KLHDC10: variants seen among roughly 807,000 people sequenced by gnomAD.
KLHDC10 encodes the protein kelch domain containing 10.
A neutral mutation model predicts 56.1 loss-of-function variants in KLHDC10; 24 were observed. That is an observed-to-expected ratio of 0.43 (90% CI 0.31 to 0.60). The LOEUF is 0.60. Among genes scored for constraint, KLHDC10 ranks in the 20% least tolerant of loss-of-function variants. KLHDC10 has a pLI of 0.11. For missense variants in KLHDC10, 349 were observed against 567.0 expected (o/e 0.62, Z 3.91); for synonymous variants, 188 against 207.1 (o/e 0.91, Z 0.79).
intron 1 of KLHDC10, among the ~76,000 whole-genome samples, chr7:130,079,347 C>T (rs1378206930): frequency 6.6e-6 from 1 of 152,064 alleles, no homozygotes; most frequent in Admixed American, 6.6e-5. Flanking sequence ...TATGAGTCAC[C>T]ATGCCAGGCC....
At chr7:130,126,827 TAAAG>T (rs1318499260) in intron 7 of KLHDC10, among the ~76,000 whole-genome samples, 2 of 151,328 alleles carry the variant, frequency 1.3e-5, no homozygotes, top group Non-Finnish European at 3.0e-5. Context: ...GGAGCCTAAA[TAAAG>T]ATCTACCGGC....
intron 1 of KLHDC10, among the ~76,000 whole-genome samples, chr7:130,077,779 T>C (rs895103979): frequency 6.6e-6 from 1 of 151,764 alleles, no homozygotes; most frequent in Admixed American, 6.6e-5. Context: ...ATGGTCTCGA[T>C]CTCCTGACCT....
intron 8 of KLHDC10, among the ~76,000 whole-genome samples, chr7:130,129,048 C>G (rs1796360372): frequency 6.6e-6 from 1 of 151,660 alleles, no homozygotes; most frequent in Non-Finnish European, 1.5e-5. Flanking sequence ...GACCGAACAG[C>G]TGGGGCTGCA....
Position 130,133,126 on chromosome 7 carries a change from A to C in KLHDC10, c.*2380A>C, listed in dbSNP as rs920971458. ...TTAATATAACACTAGTAAAAATGAC[A>C]TGGTATGACCAGCACTGAGTGCTAT... On this transcript the variant is annotated 3_prime_UTR_variant, in exon 10 of 10. Coordinates refer to ENST00000335420, the MANE Select transcript of KLHDC10 (RefSeq NM_014997.4). 6.6e-6 allele frequency: 1 copy of C among 152,266 alleles called. No homozygotes were observed. Among genetic ancestry groups the C allele is most frequent in the African/African-American group, 2.4e-5 (1 of 41,474 alleles). 9.4% of individuals were successfully genotyped at this position (152,266 alleles called of 1,614,324 possible). A position where few individuals can be genotyped will look rare whatever the true frequency, so the allele number is the denominator to read the frequency against.
intron 1 of KLHDC10, among the ~76,000 whole-genome samples, chr7:130,072,717 C>T (rs1297775267): frequency 1.3e-5 from 2 of 151,846 alleles, no homozygotes; most frequent in African/African-American, 2.4e-5. Flanking sequence ...GCTTGGTTGA[C>T]GGGCCTTGGA....
chr7:130,091,063 A>G (rs1439452565), intron 1 of KLHDC10, among the ~76,000 whole-genome samples: 3 of 152,022 alleles, frequency 2.0e-5, no homozygotes, highest in Non-Finnish European at 4.4e-5. Context: ...TGGTTTTACC[A>G]CAGGTTTAAC....
At chr7:130,092,878 G>T (rs986505895) in intron 1 of KLHDC10, among the ~76,000 whole-genome samples, 21 of 151,980 alleles carry the variant, frequency 1.4e-4, no homozygotes, top group African/African-American at 4.8e-4. Context: ...CACTTGCCCT[G>T]GTCCTCTGCT....
At chr7:130,082,873 A>G (rs1035848615) in intron 1 of KLHDC10, among the ~76,000 whole-genome samples, 1 of 152,200 alleles carries the variant, frequency 6.6e-6, no homozygotes. Context: ...CTAGAAATAC[A>G]TAATTAACTA....
rs767573548 is a variant in KLHDC10 at position 130,122,174 on chromosome 7, A to G, written c.751A>G (p.Asn251Asp). The change falls in exon 5 of 10, where the codon AAC becomes GAC. Residue 251 changes from asparagine (N) to aspartate (D), a missense_variant. This residue lies in a region of KLHDC10 where 245 missense variants were observed against 470.1 expected (regional missense o/e 0.52). Transcript: ENST00000335420. ...AGAGTGGACACAACTGAAACCAAAC[A>G]ACCTATCCTGTGATCTACCAGAAGA... ...TREWTQLKPN[N>D]LSCDLPEERY... The G allele has an allele frequency of 1.2e-6, 2 of 1,613,892 alleles. No individual in the cohort carries two copies. The highest frequency in any genetic ancestry group is 8.5e-7 in the Non-Finnish European group (1 of 1,179,948).
In KLHDC10 at chr7:130,133,413, T is replaced by A. The variant is rs1796427025; in HGVS notation, c.*2667T>A. The A allele has an allele frequency of 2.0e-5, 3 of 152,190 alleles. No homozygotes were observed. The highest frequency in any genetic ancestry group is 7.2e-5 in the African/African-American group (3 of 41,446). 9.4% of individuals were successfully genotyped at this position (152,190 alleles called of 1,614,324 possible). On this transcript the variant is annotated 3_prime_UTR_variant, in exon 10 of 10. Coordinates refer to ENST00000335420, the MANE Select transcript of KLHDC10 (RefSeq NM_014997.4). Reference sequence around the variant, plus strand: ...TAGAAACATATGGATATATACAGATTATATATAGGGTGTAACTATAAAGCA... The same window carrying A: ...TAGAAACATATGGATATATACAGATAATATATAGGGTGTAACTATAAAGCA...
intron 1 of KLHDC10, among the ~76,000 whole-genome samples, chr7:130,085,109 G>T (rs1167464943): frequency 9.9e-5 from 15 of 151,934 alleles, no homozygotes; most frequent in Admixed American, 9.8e-4. Flanking sequence ...ACTTTGGGAG[G>T]CCGAGACGAG....
At chr7:130,119,512 T>TCAAA (rs774188799) in intron 3 of KLHDC10, among the ~76,000 whole-genome samples, 4 of 118,422 alleles carry the variant, frequency 3.4e-5, no homozygotes, top group Non-Finnish European at 6.6e-5. Flanking sequence ...ACCCTGCCTT[T>TCAAA]CAAACAAACA....
chr7:130,097,879 A>G (rs887355530), intron 2 of KLHDC10, among the ~76,000 whole-genome samples: 1 of 152,174 alleles, frequency 6.6e-6, no homozygotes, highest in African/African-American at 2.4e-5. Context: ...CATACTGAAA[A>G]AAGAAAATCT....
intron 1 of KLHDC10, among the ~76,000 whole-genome samples, chr7:130,084,794 T>C (rs1785516899): frequency 6.6e-6 from 1 of 150,922 alleles, no homozygotes; most frequent in South Asian, 2.1e-4. Context: ...AAAAGACTCC[T>C]AAGTTTTTGT....
intron 2 of KLHDC10, among the ~76,000 whole-genome samples, chr7:130,109,080 T>A (rs1258557256): frequency 1.3e-5 from 2 of 151,832 alleles, no homozygotes; most frequent in Non-Finnish European, 2.9e-5. Context: ...ACACCCTGTA[T>A]TTTTTTAGTA....
chr7:130,109,208 G>A (rs1250574430), intron 2 of KLHDC10, among the ~76,000 whole-genome samples: 1 of 118,876 alleles, frequency 8.4e-6, no homozygotes, highest in Admixed American at 9.2e-5. Flanking sequence ...AGCCCAGCAG[G>A]TCTCTTTTTT....
chr7:130,101,843 G>A (rs577953794), intron 2 of KLHDC10, among the ~76,000 whole-genome samples: 260 of 151,966 alleles, frequency 1.7e-3, no homozygotes, highest in Non-Finnish European at 3.0e-3. Flanking sequence ...GGTAGCAGGC[G>A]CTTGTAGTCC....
intron 1 of KLHDC10, among the ~76,000 whole-genome samples, chr7:130,081,476 G>T (rs1472226387): frequency 6.6e-6 from 1 of 151,498 alleles, no homozygotes; most frequent in Non-Finnish European, 1.5e-5. Context: ...ACGCTGCCAC[G>T]CCCCACTAAT....
rs912220864 is a variant in KLHDC10, at chr7:130,133,090, A to C, written c.*2344A>C. The C allele has an allele frequency of 5.3e-5, 8 of 152,244 alleles. No individual in the cohort carries two copies. Among genetic ancestry groups the C allele is most frequent in the Non-Finnish European group, 1.2e-4 (8 of 68,044 alleles). 9.4% of individuals were successfully genotyped at this position (152,244 alleles called of 1,614,324 possible). On this transcript the variant is annotated 3_prime_UTR_variant, in exon 10 of 10. Transcript: ENST00000335420. ...ATAAAAGTATATATCCTTGGTCTAA[A>C]GTGTCTTCTTTTAATATAACACTAG...
Sources: allele counts gnomAD v4.1 joint callset (sites outside exome capture counted in the v4.1 genomes callset), GRCh38; gene constraint gnomAD v4.1.1; regional missense constraint gnomAD v4.1.1; transcripts MANE v1.5; gene names NCBI Gene and HGNC (gene_info 2026-07-23, HGNC 2026-07-21).